EIF4ENIF1: variants seen among roughly 807,000 people sequenced by gnomAD.
The protein encoded by EIF4ENIF1 is eukaryotic translation initiation factor 4E nuclear import factor 1, also known as eukaryotic translation initiation factor 4E transporter.
A neutral mutation model predicts 110.5 loss-of-function variants in EIF4ENIF1; 23 were observed. The ratio of observed to expected loss-of-function variants is 0.21; its 90% CI spans 0.15 to 0.29. The LOEUF (loss-of-function observed/expected upper bound fraction) is 0.29. EIF4ENIF1 is among the 10% of genes least tolerant of loss of function. The pLI is 1.00. For missense variants in EIF4ENIF1, 1,031 were observed against 1,221.1 expected (o/e 0.84, Z 2.32); for synonymous variants, 440 against 437.0 (o/e 1.01, Z -0.09).
upstream of EIF4ENIF1, chr22:31,489,986 C>G (rs1002832601): frequency 6.6e-6 from 1 of 152,304 alleles, no homozygotes; most frequent in Admixed American, 6.5e-5. Context: ...GAAGCATCGC[C>G]GCGCGCTTCC....
chr22:31,441,990 T>C lies in EIF4ENIF1; in HGVS notation c.2335A>G (p.Lys779Glu). The C allele has an allele frequency of 4.3e-6, 7 of 1,614,170 alleles. No individual in the cohort carries two copies. The highest frequency in any genetic ancestry group is 2.2e-5 in the East Asian group (1 of 44,890). Residue 779 changes from lysine (K) to glutamate (E), a missense_variant, in exon 17 of 19, where the codon AAA (lysine) becomes GAA (glutamate). Coordinates refer to ENST00000330125, the MANE Select transcript of EIF4ENIF1 (RefSeq NM_019843.4). ...TPLSQANRYT[K>E]EQDYRPKATG... Reference sequence around the variant, plus strand: ...GCTTTAGGTCGATAATCTTGTTCTTTGGTGTAACGGTTGGCCTGGGACAGT... The same window carrying C: ...GCTTTAGGTCGATAATCTTGTTCTTCGGTGTAACGGTTGGCCTGGGACAGT...
chr22:31,472,418 G>A (rs956987594), intron 2 of EIF4ENIF1, among the ~76,000 whole-genome samples: 2 of 152,002 alleles, frequency 1.3e-5, no homozygotes, highest in Non-Finnish European at 2.9e-5. Flanking sequence ...ACAGGCACAC[G>A]CCACCATGCC....
At chr22:31,460,001 C>G (rs1307499613) in intron 6 of EIF4ENIF1, among the ~76,000 whole-genome samples, 2 of 152,188 alleles carry the variant, frequency 1.3e-5, no homozygotes, top group East Asian at 3.8e-4. Flanking sequence ...TTAAGAAAAA[C>G]ATAATTTTTT....
rs914011983 is a variant in EIF4ENIF1, at chr22:31,440,774, G to A, written c.2646C>T (p.His882=). ...QPFYPLPAAS[H]PLLNPRPGTP... Reference sequence around the variant, plus strand: ...TTCCAGGACGAGGGTTTAAGAGAGGGTGACTAGCAGCAGGTAAAGGGTAAA... The same window carrying A: ...TTCCAGGACGAGGGTTTAAGAGAGGATGACTAGCAGCAGGTAAAGGGTAAA... Residue 882 remains histidine (H), a synonymous_variant, in exon 18 of 19, where the codon CAC becomes CAT. Coordinates refer to ENST00000330125, the MANE Select transcript of EIF4ENIF1 (RefSeq NM_019843.4). 6.2e-7 allele frequency: 1 copy of A among 1,613,888 alleles called. No individual in the cohort carries two copies. Among genetic ancestry groups the A allele is most frequent in the African/African-American group, 1.3e-5 (1 of 74,928 alleles).
intron 3 of EIF4ENIF1, 52 bp from the exon 4 acceptor site, chr22:31,468,354 G>A: frequency 3.1e-6 from 5 of 1,606,870 alleles, no homozygotes; most frequent in Non-Finnish European, 4.3e-6. Flanking sequence ...AACCATATAG[G>A]CAGTGTGATT....
chr22:31,486,919 A>AT lies in EIF4ENIF1; in HGVS notation c.96+1703dup, dbSNP rs768371484. Among the ~76,000 whole-genome samples, 56 of 47,402 alleles carry AT rather than the reference A, an allele frequency of 1.2e-3. No individual in the cohort carries two copies. The East Asian group carries it at 0.056, about 47-fold the overall frequency. 31.1% of individuals were successfully genotyped at this position (47,402 alleles called of 152,430 possible). A position where few individuals can be genotyped will look rare whatever the true frequency, so the allele number is the denominator to read the frequency against. On this transcript the variant is annotated intron_variant, in intron 2 of 18. Coordinates refer to ENST00000330125, the MANE Select transcript of EIF4ENIF1 (RefSeq NM_019843.4). Reference sequence around the variant, plus strand: ...AACATGGAGAAACCCCGTCTCTACTATAAAAAAAAAAAAAAAATCAGCTGG... The same window carrying AT: ...AACATGGAGAAACCCCGTCTCTACTATTAAAAAAAAAAAAAAAATCAGCTGG...
chr22:31,487,767 G>A (rs2052097236), intron 2 of EIF4ENIF1, among the ~76,000 whole-genome samples: 1 of 148,466 alleles, frequency 6.7e-6, no homozygotes, highest in Non-Finnish European at 1.5e-5. Flanking sequence ...TCCAGCCTCG[G>A]CGACAAAGTG....
At chr22:31,458,444 A>G (rs764279575) in intron 7 of EIF4ENIF1, 31 bp downstream of exon 7, 2 of 1,354,894 alleles carry the variant, frequency 1.5e-6, no homozygotes, top group Non-Finnish European at 1.9e-6. Context: ...AAATTTAACC[A>G]CACATTTTTT....
chr22:31,464,019 T>C (rs748541960), intron 4 of EIF4ENIF1, 52 bp from the exon 5 acceptor site: 6 of 1,561,114 alleles, frequency 3.8e-6, no homozygotes, highest in Non-Finnish European at 4.3e-6. Flanking sequence ...GGGTGTTTTC[T>C]TCTTTTTTAG....
chr22:31,492,721 A>G (rs2052295255), upstream of EIF4ENIF1, among the ~76,000 whole-genome samples: 1 of 152,090 alleles, frequency 6.6e-6, no homozygotes, highest in African/African-American at 2.4e-5. Flanking sequence ...CCTTGGCAGG[A>G]TAATTTTTAT....
upstream of EIF4ENIF1, among the ~76,000 whole-genome samples, chr22:31,490,704 G>C (rs1384548475): frequency 6.6e-6 from 1 of 152,130 alleles, no homozygotes; most frequent in African/African-American, 2.4e-5. Context: ...GCAAATATGT[G>C]AGCAGTGTGG....
At chr22:31,465,198 C>A (rs1393695158) in intron 4 of EIF4ENIF1, among the ~76,000 whole-genome samples, 1 of 151,830 alleles carries the variant, frequency 6.6e-6, no homozygotes, top group Non-Finnish European at 1.5e-5. Flanking sequence ...TGGTAGGCAC[C>A]TGTAATCCCA....
Position 31,468,192 on chromosome 22 carries a change from A to T in EIF4ENIF1, c.281T>A (p.Leu94Gln). Residue 94 changes from leucine (L) to glutamine (Q), a missense_variant, in exon 4 of 19, where the codon CTG (leucine) becomes CAG (glutamine). Coordinates refer to ENST00000330125, the MANE Select transcript of EIF4ENIF1 (RefSeq NM_019843.4). ...GTGCTCACCTACTATCCTGCGCACC[A>T]GGGAAGGCCGGTCTGTATCCAACTC... ...KKELDTDRPSLVRRIVDPRER... is the reference protein window; with the variant it reads ...KKELDTDRPSQVRRIVDPRER... 1.2e-6 allele frequency: 2 copies of T among 1,614,132 alleles called. No individual in the cohort carries two copies. Among genetic ancestry groups the T allele is most frequent in the South Asian group, 1.1e-5 (1 of 91,078 alleles).
chr22:31,446,662 C>T (rs1177881544), intron 14 of EIF4ENIF1, among the ~76,000 whole-genome samples: 1 of 152,096 alleles, frequency 6.6e-6, no homozygotes, highest in Non-Finnish European at 1.5e-5. Context: ...CTTTTAAAGG[C>T]TGGACAGTGG....
Position 31,449,540 on chromosome 22 carries a change from A to G in EIF4ENIF1, c.1585-9T>C, listed in dbSNP as rs1002409934. ...GGTTGACCCAGAAGTTCCTAAAGGC[A>G]GAAAAGCCAAATCCCTGTGAACTTA... On this transcript the variant is annotated splice_polypyrimidine_tract_variant and intron_variant, in intron 11 of 18. Coordinates refer to ENST00000330125, the MANE Select transcript of EIF4ENIF1 (RefSeq NM_019843.4). 3.1e-6 allele frequency: 5 copies of G among 1,607,800 alleles called. No homozygotes were observed. Among genetic ancestry groups the G allele is most frequent in the Admixed American group, 3.4e-5 (2 of 58,158 alleles).
intron 12 of EIF4ENIF1, among the ~76,000 whole-genome samples, chr22:31,448,717 C>T (rs2050554293): frequency 6.6e-6 from 1 of 152,204 alleles, no homozygotes; most frequent in Non-Finnish European, 1.5e-5. Flanking sequence ...TGCTAAGACA[C>T]TTTCTGGAAC....
At chr22:31,446,418 G>A (rs1196255991) in intron 14 of EIF4ENIF1, among the ~76,000 whole-genome samples, 1 of 152,120 alleles carries the variant, frequency 6.6e-6, no homozygotes, top group Non-Finnish European at 1.5e-5. Flanking sequence ...CTCTGTTTCG[G>A]TGGAAGGGTG....
At position 31,463,790 on chromosome 22, in the gene EIF4ENIF1, C is replaced by T; in HGVS notation, c.476G>A (p.Arg159Lys). ...CTCAAAGGTCCGGGCAGAGATTATCCTCCCACTGCCAATCCTACGTCCACC... is the reference window on the plus strand; with the variant it reads ...CTCAAAGGTCCGGGCAGAGATTATCTTCCCACTGCCAATCCTACGTCCACC... ...LLGGRRIGSG[R>K]IISARTFEKD... The change falls in exon 5 of 19, where the codon AGG becomes AAG. Residue 159 changes from arginine (R) to lysine (K), a missense_variant. Physicochemically the swap from Arg to Lys is conservative, Grantham distance 26. This residue lies in a region of EIF4ENIF1 where 704 missense variants were observed against 879.7 expected (regional missense o/e 0.80). Coordinates refer to ENST00000330125, the MANE Select transcript of EIF4ENIF1 (RefSeq NM_019843.4). 1.2e-6 allele frequency: 2 copies of T among 1,613,938 alleles called. No individual in the cohort carries two copies. Among genetic ancestry groups the T allele is most frequent in the Non-Finnish European group, 1.7e-6 (2 of 1,179,988 alleles).
chr22:31,444,673 T>G lies in EIF4ENIF1; in HGVS notation c.2006A>C (p.Lys669Thr). The stretch of plus-strand genomic sequence containing the variant: ...CCCTCGATGCACGGGTGCTGGTGAC[T>G]TGGTCACTCGCTGTTGCCTGTGAAC... Reference protein sequence around the residue: ...GFRNRQQRVTKSPAPVHRGNS... With the variant: ...GFRNRQQRVTTSPAPVHRGNS... Residue 669 changes from lysine (K) to threonine (T), a missense_variant, in exon 15 of 19, where the codon AAG becomes ACG. Physicochemically the swap from Lys to Thr is moderately conservative, Grantham distance 78 (BLOSUM62 -1). This residue lies in a region of EIF4ENIF1 where 704 missense variants were observed against 879.7 expected (regional missense o/e 0.80). Transcript: ENST00000330125. 6.2e-7 allele frequency: 1 copy of G among 1,614,148 alleles called. No individual in the cohort carries two copies. The highest frequency in any genetic ancestry group is 8.5e-7 in the Non-Finnish European group (1 of 1,180,002).
Sources: gnomAD v4.1 joint callset for allele counts (sites outside exome capture counted in the v4.1 genomes callset) on GRCh38, gnomAD v4.1.1 for gene constraint, gnomAD v4.1.1 regional missense constraint, MANE v1.5 for transcripts, NCBI Gene and HGNC (gene_info 2026-07-23, HGNC 2026-07-21) for gene names.